GRIK2: variants seen among roughly 807,000 people sequenced by gnomAD.
GRIK2 encodes glutamate receptor ionotropic, kainate 2.
In GRIK2, 32 loss-of-function variants were observed where a neutral mutation model predicts 100.3. That is an observed-to-expected ratio of 0.32 (90% CI 0.24 to 0.43). GRIK2 has a LOEUF of 0.43. Ranked by LOEUF, GRIK2 falls within the 20% of genes least tolerant of loss-of-function variation. GRIK2 has a pLI of 1.00. For missense variants in GRIK2, 843 were observed against 1,114.9 expected, an observed-to-expected ratio of 0.76 and a Z score of 3.47; for synonymous variants, 417 against 389.4, an observed-to-expected ratio of 1.07 and a Z score of -0.83.
intron 9 of GRIK2, among the ~76,000 whole-genome samples, chr6:101,815,908 A>T (rs1459015915): frequency 1.3e-5 from 2 of 152,204 alleles, no homozygotes; most frequent in Non-Finnish European, 2.9e-5. Flanking sequence ...AGGATAACTA[A>T]TACTTGTGAA....
At chr6:101,808,612 G>T (rs1476221440) in intron 9 of GRIK2, among the ~76,000 whole-genome samples, 2 of 151,684 alleles carry the variant, frequency 1.3e-5, no homozygotes, top group Admixed American at 6.6e-5. Context: ...ATCAAATTTT[G>T]CCAATCTGAT....
At chr6:101,997,084 T>A (rs1484329167) in intron 14 of GRIK2, among the ~76,000 whole-genome samples, 1 of 152,088 alleles carries the variant, frequency 6.6e-6, no homozygotes, top group Non-Finnish European at 1.5e-5. Flanking sequence ...TAGTTCTATC[T>A]TTTTTCTCTG....
intron 11 of GRIK2, among the ~76,000 whole-genome samples, chr6:101,880,080 C>T (rs942211266): frequency 2.0e-5 from 3 of 152,006 alleles, no homozygotes; most frequent in African/African-American, 7.2e-5. Context: ...TCAGAGCCAA[C>T]TACACAAAAA....
chr6:101,696,637 A>T (rs985001385), intron 7 of GRIK2, among the ~76,000 whole-genome samples: 1 of 151,834 alleles, frequency 6.6e-6, no homozygotes, highest in East Asian at 1.9e-4. Flanking sequence ...CTAAATTGTG[A>T]ATTGTATTTA....
intron 7 of GRIK2, among the ~76,000 whole-genome samples, chr6:101,727,011 T>C (rs936246144): frequency 2.0e-5 from 3 of 152,072 alleles, no homozygotes; most frequent in African/African-American, 7.2e-5. Context: ...ATATTTGCCC[T>C]AACTTGCATT....
intron 14 of GRIK2, among the ~76,000 whole-genome samples, chr6:102,004,002 T>C (rs139803714): frequency 7.2e-5 from 11 of 151,736 alleles, no homozygotes; most frequent in Admixed American, 6.6e-5. Flanking sequence ...TATGTTTCTG[T>C]AGATTTGTAT....
intron 11 of GRIK2, among the ~76,000 whole-genome samples, chr6:101,874,110 A>G (rs1318937143): frequency 1.3e-5 from 2 of 151,988 alleles, no homozygotes; most frequent in African/African-American, 2.4e-5. Flanking sequence ...ATTAGATCCC[A>G]TTTGTCAATT....
chr6:101,952,606 ATT>A (rs558786033), intron 14 of GRIK2, among the ~76,000 whole-genome samples: 1 of 144,752 alleles, frequency 6.9e-6, no homozygotes. Context: ...TCACCACAAT[ATT>A]TTTTTTTTTT....
intron 2 of GRIK2, among the ~76,000 whole-genome samples, chr6:101,457,590 T>G (rs1771079342): frequency 6.6e-6 from 1 of 152,166 alleles, no homozygotes; most frequent in African/African-American, 2.4e-5. Context: ...TAAAAATAAA[T>G]GTTCATTTTT....
At chr6:101,473,551 A>G (rs2248950) in intron 2 of GRIK2, among the ~76,000 whole-genome samples, 118,751 of 151,628 alleles carry the variant, frequency 0.78, 47,063 homozygotes, top group African/African-American at 0.92. Flanking sequence ...ATTTTTTCCA[A>G]CAACTAAAAA....
chr6:101,415,682 A>G (rs1425480051), intron 2 of GRIK2, among the ~76,000 whole-genome samples: 1 of 151,982 alleles, frequency 6.6e-6, no homozygotes, highest in Non-Finnish European at 1.5e-5. Context: ...ATTTTTCCAT[A>G]ACAATTTTTA....
chr6:101,456,850 A>G (rs1014341841), intron 2 of GRIK2, among the ~76,000 whole-genome samples: 19 of 152,140 alleles, frequency 1.2e-4, no homozygotes, highest in Admixed American at 3.9e-4. Flanking sequence ...TAGTTAGGCA[A>G]GAAAAAGTAT....
rs1344204133 is a variant in GRIK2, at chr6:101,544,688, T to C, written c.116-77261T>C. ...AGTGCCTCCTCTATGCTATGCTCTA[T>C]GCTCTTACGCATTTTAAATCACTTA... On this transcript the variant is annotated intron_variant, in intron 2 of 16. Coordinates refer to ENST00000369134, the MANE Select transcript of GRIK2 (RefSeq NM_021956.5). Among the ~76,000 whole-genome samples, 4 of 152,344 alleles carry C rather than the reference T, an allele frequency of 2.6e-5. No homozygotes were observed. The East Asian group carries it at 7.7e-4, about 29-fold the overall frequency.
At chr6:101,481,221 C>T (rs1380121542) in intron 2 of GRIK2, among the ~76,000 whole-genome samples, 5 of 151,958 alleles carry the variant, frequency 3.3e-5, no homozygotes, top group Non-Finnish European at 7.4e-5. Flanking sequence ...TTTTTGAAAC[C>T]TGTTTTTTTG....
In GRIK2 at chr6:101,626,522, A is replaced by G. The variant is rs1307428092; in HGVS notation, c.426A>G (p.Lys142=). 1.2e-6 allele frequency: 2 copies of G among 1,614,028 alleles called. No individual in the cohort carries two copies. The highest frequency in any genetic ancestry group is 3.3e-5 in the Admixed American group (2 of 60,012). The change falls in exon 4 of 17, where the codon AAA becomes AAG. Residue 142 remains lysine (K), a synonymous_variant. Coordinates refer to ENST00000369134, the MANE Select transcript of GRIK2 (RefSeq NM_021956.5). ...TRWKHQVSDN[K]DSFYVSLYPD... ...GGAAGCACCAGGTGTCAGACAACAAAGATTCCTTCTATGTCAGTCTCTACC... is the reference window on the plus strand; with the variant it reads ...GGAAGCACCAGGTGTCAGACAACAAGGATTCCTTCTATGTCAGTCTCTACC...
intron 2 of GRIK2, among the ~76,000 whole-genome samples, chr6:101,485,043 T>C (rs1475093612): frequency 6.6e-6 from 1 of 152,194 alleles, no homozygotes; most frequent in African/African-American, 2.4e-5. Flanking sequence ...CAAATACCTT[T>C]GACTTTACAA....
rs538805361 is a variant in GRIK2 at position 101,972,566 on chromosome 6, G to A, written c.2085+43934G>A. 4.8e-5 allele frequency among the ~76,000 whole-genome samples: 7 copies of A among 144,440 alleles called. No homozygotes were observed. The East Asian group carries it at 6.5e-4, about 13-fold the overall frequency. 94.8% of individuals were successfully genotyped at this position (144,440 alleles called of 152,430 possible). ...CTGTAGGTTGTCTGTTTACTCTGTC[G>A]ATAGTTTCTTTAATTTGGTCCTACT... is the stretch of plus-strand genomic sequence containing the variant. On this transcript the variant is annotated intron_variant, in intron 14 of 16. Coordinates refer to ENST00000369134, the MANE Select transcript of GRIK2 (RefSeq NM_021956.5).
intron 2 of GRIK2, among the ~76,000 whole-genome samples, chr6:101,423,848 C>G (rs1323885885): frequency 6.6e-6 from 1 of 152,054 alleles, no homozygotes; most frequent in Non-Finnish European, 1.5e-5. Flanking sequence ...AAATCAGAAT[C>G]ATGAAGAGAT....
At chr6:101,496,252 C>G (rs1773439490) in intron 2 of GRIK2, among the ~76,000 whole-genome samples, 1 of 151,696 alleles carries the variant, frequency 6.6e-6, no homozygotes, top group Admixed American at 6.6e-5. Context: ...TGGCCCTGGA[C>G]TTTTCCTAAA....
Sources: allele counts gnomAD v4.1 joint callset (sites outside exome capture counted in the v4.1 genomes callset), GRCh38; gene constraint gnomAD v4.1.1; transcripts MANE v1.5; gene names NCBI Gene and HGNC (gene_info 2026-07-23, HGNC 2026-07-21).